PHACTR4: variants seen among roughly 807,000 people sequenced by gnomAD.
The protein encoded by PHACTR4 is protein phosphatase 1, regulatory subunit 124.
PHACTR4 carries 51 observed loss-of-function variants against 72.7 expected under a neutral mutation model. That is an observed-to-expected ratio of 0.70 (90% CI 0.56 to 0.89). The LOEUF is 0.89. Among genes scored for constraint, PHACTR4 ranks in the 40% least tolerant of loss-of-function variants. PHACTR4 has a pLI of 0.00. For missense variants in PHACTR4, 731 were observed against 861.8 expected, an observed-to-expected ratio of 0.85 and a Z score of 1.90; for synonymous variants, 255 against 302.5, an observed-to-expected ratio of 0.84 and a Z score of 1.63.
chr1:28,426,231 A>T (rs2124358994), intron 2 of PHACTR4, among the ~76,000 whole-genome samples: 1 of 151,900 alleles, frequency 6.6e-6, no homozygotes, highest in Admixed American at 6.5e-5. Context: ...AAAAAAAAAA[A>T]TTGTGAATAT....
chr1:28,369,851 G>T, intron 1 of PHACTR4, 26 bp downstream of exon 1: 1 of 441,532 alleles, frequency 2.3e-6, no homozygotes, highest in Non-Finnish European at 4.5e-6. Context: ...AAGGGAAAGT[G>T]AGCAGGACGC....
chr1:28,373,886 T>TA (rs1651444012), intron 1 of PHACTR4, among the ~76,000 whole-genome samples: 1 of 152,176 alleles, frequency 6.6e-6, no homozygotes, highest in South Asian at 2.1e-4. Flanking sequence ...AGGTAGGAAA[T>TA]ATCAGAGTAA....
At chr1:28,456,024 T>G (rs1658360087) in intron 2 of PHACTR4, among the ~76,000 whole-genome samples, 1 of 152,178 alleles carries the variant, frequency 6.6e-6, no homozygotes, top group Non-Finnish European at 1.5e-5. Context: ...ATTTTGCTTA[T>G]GTATCAACTA....
In PHACTR4 at chr1:28,500,322, A is replaced by G. The variant is rs1661587393; in HGVS notation, c.*3773A>G. 6.6e-6 allele frequency: 1 copy of G among 152,150 alleles called. No homozygotes were observed. Among genetic ancestry groups the G allele is most frequent in the Non-Finnish European group, 1.5e-5 (1 of 68,022 alleles). 9.4% of individuals were successfully genotyped at this position (152,150 alleles called of 1,614,324 possible). A position where few individuals can be genotyped will look rare whatever the true frequency, so the allele number is the denominator to read the frequency against. On this transcript the variant is annotated 3_prime_UTR_variant, in exon 14 of 14. Coordinates refer to ENST00000373839, the MANE Select transcript of PHACTR4 (RefSeq NM_001048183.3). ...AATTGCATTGTATATCAGTCTTCTC[A>G]TCAATATTAATTATTAAATATTTTA...
intron 6 of PHACTR4, among the ~76,000 whole-genome samples, chr1:28,467,764 TAGAGAA>T (rs1384690597): frequency 6.6e-6 from 1 of 152,130 alleles, no homozygotes; most frequent in Non-Finnish European, 1.5e-5. Context: ...TAAGTGATGG[TAGAGAA>T]AGCAGGGAAT....
At chr1:28,483,392 A>G (rs751264487) in intron 9 of PHACTR4, among the ~76,000 whole-genome samples, 19 of 151,822 alleles carry the variant, frequency 1.3e-4, no homozygotes, top group Admixed American at 6.6e-5. Flanking sequence ...GACTGCAGTG[A>G]GCTGTGCTCA....
At chr1:28,479,615 G>A (rs1476910304) in intron 8 of PHACTR4, among the ~76,000 whole-genome samples, 1 of 151,046 alleles carries the variant, frequency 6.6e-6, no homozygotes, top group Non-Finnish European at 1.5e-5. Flanking sequence ...GCCAGGCGTG[G>A]TGGCTCACGC....
intron 2 of PHACTR4, among the ~76,000 whole-genome samples, chr1:28,425,599 A>G (rs1655787993): frequency 6.6e-6 from 1 of 152,214 alleles, no homozygotes; most frequent in Admixed American, 6.5e-5. Flanking sequence ...CTGGAAAATG[A>G]TATTGTTTAA....
chr1:28,421,543 G>A (rs1655513132), intron 2 of PHACTR4, among the ~76,000 whole-genome samples: 1 of 151,966 alleles, frequency 6.6e-6, no homozygotes, highest in South Asian at 2.1e-4. Flanking sequence ...AGAATTTTTA[G>A]ATTTCTTATT....
chr1:28,415,180 G>C lies in PHACTR4; in HGVS notation c.16+7717G>C, dbSNP rs542485680. ...GGAGGCTGAGGCAGGAGAATTGCTT[G>C]AACCCGGGAGGCGGAGGTTGCAGTG... On this transcript the variant is annotated intron_variant, in intron 2 of 13. Transcript: ENST00000373839. 5.3e-5 allele frequency among the ~76,000 whole-genome samples: 8 copies of C among 151,282 alleles called. No individual in the cohort carries two copies. The East Asian group carries it at 1.6e-3, about 29-fold the overall frequency.
intron 6 of PHACTR4, 189 bp downstream of exon 6, chr1:28,466,957 G>A: frequency 1.3e-6 from 1 of 763,560 alleles, no homozygotes. Context: ...GCTCACGCCT[G>A]TAATCCCAGC....
intron 2 of PHACTR4, among the ~76,000 whole-genome samples, chr1:28,431,196 A>AT (rs1553191637): frequency 4.7e-5 from 6 of 128,252 alleles, no homozygotes; most frequent in African/African-American, 1.8e-4. Flanking sequence ...AAAAAACCAA[A>AT]ATATATATAT....
intron 1 of PHACTR4, among the ~76,000 whole-genome samples, chr1:28,371,325 C>T (rs985472938): frequency 4.6e-5 from 7 of 152,084 alleles, no homozygotes; most frequent in Non-Finnish European, 8.8e-5. Context: ...GAGACAATCT[C>T]ACTTTGTTAC....
Position 28,480,299 on chromosome 1 carries a change from C to T in PHACTR4, c.1607-152C>T, listed in dbSNP as rs1210000741. 4.4e-5 allele frequency: 36 copies of T among 824,264 alleles called. No individual in the cohort carries two copies. The East Asian group carries it at 8.6e-4, about 20-fold the overall frequency. 51.1% of individuals were successfully genotyped at this position (824,264 alleles called of 1,614,324 possible). ...ATTTTTAGGTGTCTTTAGCTTTACC[C>T]CCACCTCAGTGTTCAGCTGGATCAT... On this transcript the variant is annotated intron_variant, in intron 8 of 13. Transcript: ENST00000373839.
intron 13 of PHACTR4, chr1:28,494,188 T>G (rs1329414363): frequency 4.8e-5 from 7 of 147,034 alleles, no homozygotes; most frequent in African/African-American, 1.8e-4. Flanking sequence ...ATAGTAAGAC[T>G]CCATCCCTAC....
intron 1 of PHACTR4, among the ~76,000 whole-genome samples, chr1:28,389,057 AC>A (rs1652797619): frequency 6.6e-6 from 1 of 152,196 alleles, no homozygotes; most frequent in Admixed American, 6.6e-5. Flanking sequence ...AGCAAGGGAA[AC>A]AACAGAATGA....
intron 9 of PHACTR4, among the ~76,000 whole-genome samples, chr1:28,482,394 C>T (rs572330807): frequency 2.6e-5 from 4 of 152,190 alleles, no homozygotes; most frequent in African/African-American, 7.2e-5. Context: ...GTAACTGCCT[C>T]CTTTCAAAGT....
chr1:28,466,234 G>A (rs1034563803), intron 5 of PHACTR4, 148 bp from the exon 6 acceptor site: 3 of 834,048 alleles, frequency 3.6e-6, no homozygotes, highest in East Asian at 2.6e-5. Flanking sequence ...TAAGTATGGG[G>A]AGGTTGGGAG....
chr1:28,384,487 T>A (rs1047974945), intron 1 of PHACTR4, among the ~76,000 whole-genome samples: 1 of 152,216 alleles, frequency 6.6e-6, no homozygotes, highest in Admixed American at 6.5e-5. Flanking sequence ...TATTTGTATT[T>A]CTGTGGGGTC....
Sources: allele counts gnomAD v4.1 joint callset (sites outside exome capture counted in the v4.1 genomes callset), GRCh38; gene constraint gnomAD v4.1.1; transcripts MANE v1.5; gene names NCBI Gene and HGNC (gene_info 2026-07-23, HGNC 2026-07-21).